The following EEA1 variants were observed in gnomAD, a reference collection of about 807,000 sequenced individuals.
EEA1 encodes early endosome antigen 1, 162kD.
Under a neutral mutation model 209.2 loss-of-function variants are expected in EEA1, and 111 were observed. The ratio of observed to expected loss-of-function variants is 0.53; its 90% CI spans 0.45 to 0.62. The LOEUF is 0.62. EEA1 is among the 20% of genes least tolerant of loss of function. The probability of loss-of-function intolerance (pLI) is 0.00; values close to 1 mark genes in which losing one functional copy is unlikely to be tolerated. For missense variants in EEA1, 1,343 were observed against 1,530.8 expected (o/e 0.88, Z 2.05); for synonymous variants, 536 against 540.6 (o/e 0.99, Z 0.12).
chr12:92,857,196 CA>C lies in EEA1; in HGVS notation c.366+78del. 7.8e-6 allele frequency: 9 copies of C among 1,160,930 alleles called. No homozygotes were observed. In the South Asian group the frequency reaches 1.4e-4, roughly 18 times the overall value. The allele number at this position is 1,160,930 out of a possible 1,614,324, so 71.9% of individuals were successfully genotyped here. A position where few individuals can be genotyped will look rare whatever the true frequency, so the allele number is the denominator to read the frequency against. On this transcript the variant is annotated intron_variant, in intron 5 of 28. Transcript: ENST00000322349. ...TTTATATCAGGCCGCCACCTGCTTG[CA>C]AAAAGGTATTAAGTTTAGTTTTCAA...
chr12:92,883,851 C>G (rs1166997641), intron 2 of EEA1: 10 of 1,603,050 alleles, frequency 6.2e-6, no homozygotes, highest in Middle Eastern at 2.2e-4. Flanking sequence ...TTAAAACAAC[C>G]GATGAGAGCC....
chr12:92,916,940 G>A (rs986932200), intron 1 of EEA1, among the ~76,000 whole-genome samples: 3 of 151,290 alleles, frequency 2.0e-5, no homozygotes, highest in Non-Finnish European at 4.4e-5. Flanking sequence ...AGAACTACGT[G>A]AAGAACGCAG....
At chr12:92,848,231 GAA>G (rs35943334) in intron 9 of EEA1, among the ~76,000 whole-genome samples, 3 of 135,746 alleles carry the variant, frequency 2.2e-5, no homozygotes, top group Admixed American at 1.5e-4. Flanking sequence ...ACCTTTTCTA[GAA>G]AAAAAAAAAA....
chr12:92,798,911 T>G lies in EEA1; in HGVS notation c.2948A>C (p.Lys983Thr). The G allele has an allele frequency of 6.3e-7, 1 of 1,593,140 alleles. No individual in the cohort carries two copies. Among genetic ancestry groups the G allele is most frequent in the Non-Finnish European group, 8.5e-7 (1 of 1,174,380 alleles). The change falls in exon 21 of 29, where the codon AAA becomes ACA. Residue 983 changes from lysine (K) to threonine (T), a missense_variant. Lys to Thr is a moderately conservative substitution (Grantham distance 78). This residue lies in a region of EEA1 where 1,307 missense variants were observed against 1,465.5 expected (regional missense o/e 0.89). Transcript: ENST00000322349. ...KQIEALQGEL[K>T]IAVLQKTELE... ...CACTACCTTCTGTAAAACAGCAATT[T>G]TAAGCTCTCCTTGGAGTGCTTCAAT...
At chr12:92,924,501 G>A (rs146847717) in intron 1 of EEA1, among the ~76,000 whole-genome samples, 5 of 152,008 alleles carry the variant, frequency 3.3e-5, no homozygotes, top group East Asian at 1.9e-4. Context: ...GAGCCACCGC[G>A]CCTGGCTGAG....
chr12:92,898,696 G>C (rs1252153584), intron 1 of EEA1, among the ~76,000 whole-genome samples: 1 of 122,764 alleles, frequency 8.1e-6, no homozygotes, highest in Non-Finnish European at 1.7e-5. Flanking sequence ...CATTACTTGT[G>C]TAACTATGTC....
intron 10 of EEA1, chr12:92,835,288 G>A (rs1018575366): frequency 1.8e-5 from 4 of 216,388 alleles, no homozygotes; most frequent in Non-Finnish European, 2.9e-5. Context: ...TTTAAAATAT[G>A]CTACAAAAAT....
chr12:92,852,806 C>T (rs1877688669), intron 7 of EEA1, 106 bp downstream of exon 7: 3 of 705,954 alleles, frequency 4.2e-6, no homozygotes, highest in Non-Finnish European at 6.9e-6. Context: ...GGAAGTCTAT[C>T]ACAAATGCTT....
At chr12:92,776,252 T>C (rs1873654999) in intron 28 of EEA1, 119 bp from the exon 29 acceptor site, 2 of 896,028 alleles carry the variant, frequency 2.2e-6, no homozygotes, top group Non-Finnish European at 3.2e-6. Flanking sequence ...GTCATTGGTA[T>C]ATTATTTAAT....
intron 21 of EEA1, 131 bp downstream of exon 21, chr12:92,798,761 T>G (rs1416875821): frequency 3.5e-6 from 2 of 578,570 alleles, no homozygotes; most frequent in African/African-American, 3.9e-5. Context: ...CTTTCATATA[T>G]TAAACTTAGA....
chr12:92,887,057 G>C (rs1044947154), intron 2 of EEA1, among the ~76,000 whole-genome samples: 1 of 151,572 alleles, frequency 6.6e-6, no homozygotes, highest in African/African-American at 2.4e-5. Context: ...GAACTTCTAG[G>C]AATGAAAAAA....
At chr12:92,811,257 A>C in intron 17 of EEA1, 22 bp downstream of exon 17, 1 of 1,434,856 alleles carries the variant, frequency 7.0e-7, no homozygotes, top group Non-Finnish European at 9.2e-7. Flanking sequence ...ATATGACTAA[A>C]TTCAACTTCT....
intron 2 of EEA1, among the ~76,000 whole-genome samples, chr12:92,879,803 A>G (rs1879060767): frequency 6.6e-6 from 1 of 152,230 alleles, no homozygotes; most frequent in South Asian, 2.1e-4. Context: ...AAATGGCCTA[A>G]CCAGAAGTTT....
In EEA1 at chr12:92,802,471, G is replaced by T. The variant is rs747883492; in HGVS notation, c.2603C>A (p.Ser868Tyr). The change falls in exon 19 of 29, where the codon TCT becomes TAT. Residue 868 changes from serine to tyrosine, a missense_variant. Transcript: ENST00000322349. ...VKDKLSKVSD[S>Y]LKNSKSEFEK... The stretch of plus-strand genomic sequence containing the variant: ...AAATTCACTTTTAGAGTTTTTCAAA[G>T]AATCAGAAACTTTTGATAGTTTGTC... 2.5e-6 allele frequency: 4 copies of T among 1,580,174 alleles called. No individual in the cohort carries two copies. Among genetic ancestry groups the T allele is most frequent in the South Asian group, 1.2e-5 (1 of 83,720 alleles).
intron 2 of EEA1, among the ~76,000 whole-genome samples, chr12:92,868,557 T>C (rs1023058780): frequency 3.3e-5 from 5 of 152,198 alleles, no homozygotes; most frequent in Non-Finnish European, 7.3e-5. Context: ...CACACTGAGG[T>C]ATGCCATACC....
chr12:92,841,052 C>G (rs966558489), intron 10 of EEA1, among the ~76,000 whole-genome samples: 1 of 152,140 alleles, frequency 6.6e-6, no homozygotes, highest in South Asian at 2.1e-4. Context: ...ACCAAATCTG[C>G]TAGTGCCTTG....
At chr12:92,906,276 T>C (rs1008298876) in intron 1 of EEA1, among the ~76,000 whole-genome samples, 3 of 151,862 alleles carry the variant, frequency 2.0e-5, no homozygotes, top group Admixed American at 6.6e-5. Flanking sequence ...ATTTTTTTTA[T>C]AGAGACGGGG....
chr12:92,842,647 A>T (rs1428444125), intron 9 of EEA1, 66 bp from the exon 10 acceptor site: 3 of 990,304 alleles, frequency 3.0e-6, no homozygotes, highest in Non-Finnish European at 4.5e-6. Context: ...AAAAAATGAA[A>T]GTATATAAAG....
At chr12:92,777,742 C>T (rs1873720347) in intron 26 of EEA1, 79 bp from the exon 27 acceptor site, 2 of 1,410,546 alleles carry the variant, frequency 1.4e-6, no homozygotes, top group Admixed American at 2.5e-5. Flanking sequence ...TAATGGACTA[C>T]TTTAGTAATT....
Sources: allele counts gnomAD v4.1 joint callset (sites outside exome capture counted in the v4.1 genomes callset), GRCh38; gene constraint gnomAD v4.1.1; regional missense constraint gnomAD v4.1.1; transcripts MANE v1.5; gene names NCBI Gene and HGNC (gene_info 2026-07-23, HGNC 2026-07-21).